Variants in KDM8 observed in about 807,000 individuals in gnomAD.
The protein encoded by KDM8 is lysine demethylase 8, also known as bifunctional peptidase and arginyl-hydroxylase JMJD5.
KDM8 carries 35 observed loss-of-function variants against 46.9 expected under a neutral mutation model. That is an observed-to-expected ratio of 0.75 (90% CI 0.57 to 0.99). The LOEUF (loss-of-function observed/expected upper bound fraction) is 0.99. Among genes scored for constraint, KDM8 ranks in the 50% least tolerant of loss-of-function variants. The probability of loss-of-function intolerance (pLI) is 0.00; values close to 1 mark genes in which losing one functional copy is unlikely to be tolerated. For missense variants in KDM8, 475 were observed against 537.0 expected (o/e 0.88, Z 1.14); for synonymous variants, 232 against 227.7 (o/e 1.02, Z -0.17).
At chr16:27,212,978 G>A (rs545687330) in intron 2 of KDM8, among the ~76,000 whole-genome samples, 163 of 152,302 alleles carry the variant, frequency 1.1e-3, no homozygotes, top group African/African-American at 3.8e-3. Context: ...GTATGAGCCA[G>A]TGTGGCTGGC....
chr16:27,212,034 A>C (rs1277153578), intron 2 of KDM8, among the ~76,000 whole-genome samples: 1 of 152,226 alleles, frequency 6.6e-6, no homozygotes, highest in East Asian at 1.9e-4. Context: ...AAAGAAAATC[A>C]AATAAAGGGA....
intron 2 of KDM8, 107 bp from the exon 3 acceptor site, chr16:27,213,478 T>C: frequency 9.0e-7 from 1 of 1,112,884 alleles, no homozygotes. Flanking sequence ...TTACTGGTAC[T>C]CTTGACAGCT....
At chr16:27,213,817 T>C in intron 3 of KDM8, 66 bp downstream of exon 3, 2 of 1,528,448 alleles carry the variant, frequency 1.3e-6, no homozygotes, top group Non-Finnish European at 1.8e-6. Flanking sequence ...GCTCCCTGAA[T>C]TCCTCCCGAC....
intron 3 of KDM8, 117 bp downstream of exon 3, chr16:27,213,868 A>C: frequency 1.0e-6 from 1 of 986,206 alleles, no homozygotes; most frequent in East Asian, 2.6e-5. Context: ...CTTCACTAGC[A>C]GCCCTTGACT....
intron 5 of KDM8, 78 bp from the exon 6 acceptor site, chr16:27,218,883 T>C (rs1341994397): frequency 6.6e-7 from 1 of 1,521,654 alleles, no homozygotes; most frequent in Admixed American, 1.7e-5. Context: ...GGTATGTGTT[T>C]CTGACTCTTC....
chr16:27,220,902 C>G lies in KDM8; in HGVS notation c.*172C>G, dbSNP rs993593273. 2.6e-6 allele frequency: 2 copies of G among 777,880 alleles called. No homozygotes were observed. Among genetic ancestry groups the G allele is most frequent in the African/African-American group, 3.4e-5 (2 of 58,484 alleles). 48.2% of individuals were successfully genotyped at this position (777,880 alleles called of 1,614,324 possible). A position where few individuals can be genotyped will look rare whatever the true frequency, so the allele number is the denominator to read the frequency against. On this transcript the variant is annotated 3_prime_UTR_variant, in exon 8 of 8. Coordinates refer to ENST00000286096, the MANE Select transcript of KDM8 (RefSeq NM_024773.3). ...GCTCCAGCACTGGACAGGCACAGAGCAGGGGCTGCCCAGGAAGGAGCACAC... is the reference window on the plus strand; with the variant it reads ...GCTCCAGCACTGGACAGGCACAGAGGAGGGGCTGCCCAGGAAGGAGCACAC...
chr16:27,217,042 C>T (rs1037447414), intron 5 of KDM8, among the ~76,000 whole-genome samples: 10 of 152,174 alleles, frequency 6.6e-5, no homozygotes, highest in African/African-American at 1.7e-4. Flanking sequence ...AAAGATGTTT[C>T]GGGTAATGGA....
In KDM8 at chr16:27,210,295, G is replaced by A. The variant is rs146805043; in HGVS notation, c.172G>A (p.Glu58Lys). 1.9e-4 allele frequency: 312 copies of A among 1,613,288 alleles called. 1 individual carries two copies. Among genetic ancestry groups the A allele is most frequent in the African/African-American group, 1.6e-3 (123 of 75,068 alleles). The change falls in exon 2 of 8, where the codon GAG becomes AAG. Residue 58 changes from glutamate (E) to lysine (K), a missense_variant. By Grantham distance (56) the Glu-to-Lys change is moderately conservative (BLOSUM62 1). Transcript: ENST00000286096. The stretch of plus-strand genomic sequence containing the variant: ...GCAGCGAGCCACTGAGCTCTTCTAC[G>A]AGGGCAGGAGGGACGAGTGTCTGCA... ...LLQRATELFYEGRRDECLQSS... is the reference protein window; with the variant it reads ...LLQRATELFYKGRRDECLQSS...
intron 1 of KDM8, chr16:27,203,915 GC>G: frequency 1.9e-6 from 1 of 531,368 alleles, no homozygotes; most frequent in Non-Finnish European, 3.4e-6. Flanking sequence ...GTGAGGGCAG[GC>G]CCTTACGGCG....
intron 3 of KDM8, chr16:27,214,654 C>A: frequency 2.0e-6 from 1 of 499,072 alleles, no homozygotes; most frequent in Non-Finnish European, 3.6e-6. Context: ...ACTTACCGGC[C>A]CTGTCTGCAA....
At chr16:27,215,299 G>A (rs2083537903) in intron 4 of KDM8, among the ~76,000 whole-genome samples, 1 of 152,186 alleles carries the variant, frequency 6.6e-6, no homozygotes, top group African/African-American at 2.4e-5. Context: ...TTTAATAGCA[G>A]CCAGGCATGG....
chr16:27,216,047 C>T (rs1455006355), intron 5 of KDM8, 58 bp downstream of exon 5: 5 of 1,578,152 alleles, frequency 3.2e-6, no homozygotes, highest in Non-Finnish European at 3.5e-6. Flanking sequence ...CTCTCCTCCC[C>T]TCCTGGGCTC....
chr16:27,207,117 A>G (rs931154290), intron 1 of KDM8, among the ~76,000 whole-genome samples: 1 of 152,206 alleles, frequency 6.6e-6, no homozygotes, highest in African/African-American at 2.4e-5. Context: ...TTTTAAAACA[A>G]GTTACAAGGG....
At chr16:27,205,672 T>C (rs149346487) in intron 1 of KDM8, among the ~76,000 whole-genome samples, 14 of 152,254 alleles carry the variant, frequency 9.2e-5, no homozygotes, top group Non-Finnish European at 1.5e-5. Flanking sequence ...ACCCCGTCTC[T>C]ACTAAAAATA....
At chr16:27,218,804 G>A (rs959868410) in intron 5 of KDM8, among the ~76,000 whole-genome samples, 157 bp from the exon 6 acceptor site, 34 of 152,004 alleles carry the variant, frequency 2.2e-4, no homozygotes, top group Admixed American at 1.2e-3. Flanking sequence ...CTGAGATCAC[G>A]CCACTGCACT....
At chr16:27,204,188 C>T in intron 1 of KDM8, 2 of 1,482,666 alleles carry the variant, frequency 1.3e-6, no homozygotes, top group Non-Finnish European at 1.8e-6. Flanking sequence ...ACGGGGGACC[C>T]TCTGGGGCCT....
rs909857158 is a variant in KDM8 at position 27,210,511 on chromosome 16, G to A, written c.388G>A (p.Gly130Arg). ...GGTCTGTGACATGGGCCTGCTGATG[G>A]GGGCAGCCATCCTGGGGGACATCCT... The part of the protein sequence containing the change: ...LRVCDMGLLM[G>R]AAILGDILLK... The change falls in exon 2 of 8, where the codon GGG (glycine) becomes AGG (arginine). Residue 130 changes from glycine (G) to arginine (R), a missense_variant. Physicochemically the swap from Gly to Arg is moderately radical, Grantham distance 125 (BLOSUM62 -2). Transcript: ENST00000286096. 1.3e-6 allele frequency: 2 copies of A among 1,559,094 alleles called. No homozygotes were observed. The highest frequency in any genetic ancestry group is 1.7e-6 in the Non-Finnish European group (2 of 1,149,064).
At chr16:27,220,064 T>C (rs1470165928) in intron 6 of KDM8, among the ~76,000 whole-genome samples, 18 of 151,596 alleles carry the variant, frequency 1.2e-4, no homozygotes, top group Admixed American at 1.2e-3. Context: ...AAAATAAAAA[T>C]ACAAAAATCA....
chr16:27,204,324 C>T (rs761071341), intron 1 of KDM8: 11 of 1,370,586 alleles, frequency 8.0e-6, no homozygotes, highest in Non-Finnish European at 1.0e-5. Context: ...AGCCCGGGGA[C>T]AGGAGGTGCG....
Sources: allele counts gnomAD v4.1 joint callset (sites outside exome capture counted in the v4.1 genomes callset), GRCh38; gene constraint gnomAD v4.1.1; transcripts MANE v1.5; gene names NCBI Gene and HGNC (gene_info 2026-07-23, HGNC 2026-07-21).